DAB1: variants seen among roughly 807,000 people sequenced by gnomAD.
The protein encoded by DAB1 is disabled homolog 1.
A neutral mutation model predicts 64.6 loss-of-function variants in DAB1; 15 were observed. The ratio of observed to expected loss-of-function variants is 0.23; its 90% CI spans 0.16 to 0.36. DAB1 has a LOEUF of 0.36. DAB1 is among the 10% of genes least tolerant of loss of function. DAB1 has a pLI of 1.00. For missense variants in DAB1, 596 were observed against 706.7 expected, an observed-to-expected ratio of 0.84 and a Z score of 1.78; for synonymous variants, 235 against 251.9, an observed-to-expected ratio of 0.93 and a Z score of 0.64.
chr1:57,038,847 C>T (rs1647341417), intron 9 of DAB1, among the ~76,000 whole-genome samples: 1 of 152,104 alleles, frequency 6.6e-6, no homozygotes, highest in African/African-American at 2.4e-5. Flanking sequence ...AATGTTGGTG[C>T]AAGGATTTTG....
intron 4 of DAB1, among the ~76,000 whole-genome samples, chr1:57,128,254 T>A (rs1657335631): frequency 6.6e-6 from 1 of 152,088 alleles, no homozygotes; most frequent in East Asian, 1.9e-4. Context: ...TCTACACTCA[T>A]CACTCATCCC....
intron 5 of DAB1, among the ~76,000 whole-genome samples, chr1:58,028,044 C>T (rs1415178880): frequency 2.0e-5 from 3 of 152,192 alleles, no homozygotes; most frequent in Non-Finnish European, 4.4e-5. Context: ...CTCTGAGCTT[C>T]TGTTTCCTTA....
chr1:57,644,615 A>G (rs1040997967), intron 7 of DAB1, among the ~76,000 whole-genome samples: 4 of 151,926 alleles, frequency 2.6e-5, no homozygotes, highest in African/African-American at 9.7e-5. Context: ...ATACACACAT[A>G]TATAATCTCT....
chr1:58,207,491 C>T (rs1658341145), intron 4 of DAB1, among the ~76,000 whole-genome samples: 1 of 152,186 alleles, frequency 6.6e-6, no homozygotes, highest in Non-Finnish European at 1.5e-5. Flanking sequence ...GCAATGTGCT[C>T]AGCATTGGGA....
chr1:57,166,625 A>T (rs1569695620), intron 2 of DAB1, among the ~76,000 whole-genome samples: 1 of 152,140 alleles, frequency 6.6e-6, no homozygotes, highest in African/African-American at 2.4e-5. Context: ...TTTGAGGGAG[A>T]GGTGGTATTG....
At chr1:58,481,029 A>C (rs1645472184) in intron 3 of DAB1, 1 of 871,762 alleles carries the variant, frequency 1.1e-6, no homozygotes, top group Non-Finnish European at 2.0e-6. Flanking sequence ...TTGAATAGGA[A>C]GAGTATCCAT....
At chr1:57,788,193 C>A (rs1264596256) in intron 6 of DAB1, among the ~76,000 whole-genome samples, 3 of 152,070 alleles carry the variant, frequency 2.0e-5, no homozygotes, top group Non-Finnish European at 4.4e-5. Context: ...AGCATAAGTC[C>A]ACACAAAGAC....
intron 4 of DAB1, among the ~76,000 whole-genome samples, chr1:58,176,796 G>A (rs1412812093): frequency 2.6e-5 from 4 of 152,040 alleles, no homozygotes; most frequent in Non-Finnish European, 5.9e-5. Flanking sequence ...TCGCTAACAC[G>A]GTGAAACACC....
chr1:57,821,865 G>A (rs1379543540), downstream of DAB1, among the ~76,000 whole-genome samples: 1 of 152,166 alleles, frequency 6.6e-6, no homozygotes. Context: ...TGTTAACTGA[G>A]CCCCTGCATG....
rs1012778516 is a variant in DAB1 at position 57,153,623 on chromosome 1, G to T, written c.68-8194C>A. 4.1e-5 allele frequency among the ~76,000 whole-genome samples: 6 copies of T among 148,092 alleles called. No individual in the cohort carries two copies. In the South Asian group the frequency reaches 6.4e-4, roughly 16 times the overall value. On this transcript the variant is annotated intron_variant, in intron 2 of 14. Transcript: ENST00000371236. ...GTTACATAGTAGGTATATGTATGGG[G>T]TTTTTTTTTTGTTTGTTTGTTTGTT... is the stretch of plus-strand genomic sequence containing the variant.
chr1:58,430,031 T>C (rs763229899), intron 3 of DAB1, among the ~76,000 whole-genome samples: 17 of 152,192 alleles, frequency 1.1e-4, no homozygotes, highest in Non-Finnish European at 2.5e-4. Context: ...TGGCCTCTTA[T>C]ATAAGGGCAC....
intron 5 of DAB1, among the ~76,000 whole-genome samples, chr1:57,911,811 G>T (rs1182861270): frequency 6.6e-6 from 1 of 152,194 alleles, no homozygotes; most frequent in Admixed American, 6.5e-5. Context: ...AAGAGGGACT[G>T]GTGGGCTCTA....
chr1:58,539,012 T>C, intron 1 of DAB1: 1 of 872,898 alleles, frequency 1.1e-6, no homozygotes, highest in South Asian at 1.3e-5. Context: ...GTACATTTGC[T>C]GGTAATCCTC....
intron 2 of DAB1, among the ~76,000 whole-genome samples, chr1:57,225,460 C>G (rs1297174658): frequency 1.3e-5 from 2 of 152,082 alleles, no homozygotes; most frequent in Admixed American, 6.6e-5. Flanking sequence ...ATCACAAATT[C>G]CACCTTTCAC....
chr1:57,984,302 C>A (rs1646158246), intron 5 of DAB1, among the ~76,000 whole-genome samples: 1 of 150,040 alleles, frequency 6.7e-6, no homozygotes, highest in Non-Finnish European at 1.5e-5. Flanking sequence ...CAAATATCTG[C>A]TGGATCTCTA....
intron 3 of DAB1, among the ~76,000 whole-genome samples, chr1:58,455,289 T>G (rs537522305): frequency 1.3e-5 from 2 of 152,262 alleles, no homozygotes; most frequent in Non-Finnish European, 2.9e-5. Context: ...ACTGTAGAGT[T>G]GCCCTTCCAC....
intron 7 of DAB1, among the ~76,000 whole-genome samples, chr1:57,621,290 G>A (rs1338597411): frequency 1.3e-5 from 2 of 151,626 alleles, no homozygotes; most frequent in Non-Finnish European, 2.9e-5. Flanking sequence ...GTGTGTAGGA[G>A]CCCTGAGATG....
At chr1:58,000,019 A>T (rs904454317) in intron 5 of DAB1, among the ~76,000 whole-genome samples, 1 of 147,186 alleles carries the variant, frequency 6.8e-6, no homozygotes, top group Non-Finnish European at 1.5e-5. Flanking sequence ...GAAGAGAGGG[A>T]GGGAGAAAGG....
chr1:58,310,168 C>A (rs1662395515), intron 4 of DAB1, among the ~76,000 whole-genome samples: 1 of 152,152 alleles, frequency 6.6e-6, no homozygotes, highest in African/African-American at 2.4e-5. Context: ...GTTTAGCATA[C>A]AATTTCTGAT....
Sources: gnomAD v4.1 joint callset for allele counts (sites outside exome capture counted in the v4.1 genomes callset) on GRCh38, gnomAD v4.1.1 for gene constraint, MANE v1.5 for transcripts, NCBI Gene and HGNC (gene_info 2026-07-23, HGNC 2026-07-21) for gene names.